Variants in KL observed in about 807,000 individuals in gnomAD.
KL encodes alpha-klotho.
KL carries 62 observed loss-of-function variants against 84.2 expected under a neutral mutation model. The observed-to-expected ratio is 0.74, with a 90% CI of 0.60 to 0.91. The LOEUF (loss-of-function observed/expected upper bound fraction) is 0.91, where lower values mean the gene tolerates loss of function less well. Ranked by LOEUF, KL falls within the 40% of genes least tolerant of loss-of-function variation. The pLI is 0.00. For synonymous variants in KL, 528 were observed against 528.0 expected (o/e 1.00, Z 0.00); for missense variants, 1,261 against 1,305.7 (o/e 0.97, Z 0.53).
At chr13:33,028,054 A>G (rs768316483) in intron 1 of KL, among the ~76,000 whole-genome samples, 15 of 152,368 alleles carry the variant, frequency 9.8e-5, no homozygotes, top group South Asian at 2.1e-4. Context: ...CAACCCAGGC[A>G]TAGGCTGATG....
At chr13:33,029,145 A>G (rs1471338311) in intron 1 of KL, among the ~76,000 whole-genome samples, 1 of 152,272 alleles carries the variant, frequency 6.6e-6, no homozygotes, top group African/African-American at 2.4e-5. Context: ...CACTTTAAAT[A>G]TTAATTTTGC....
chr13:33,016,603 G>T lies in KL; in HGVS notation c.163G>T (p.Gly55Cys). 6.6e-7 allele frequency: 1 copy of T among 1,518,570 alleles called. No homozygotes were observed. Among genetic ancestry groups the T allele is most frequent in the Non-Finnish European group, 8.8e-7 (1 of 1,132,376 alleles). 94.1% of individuals were successfully genotyped at this position (1,518,570 alleles called of 1,614,324 possible). A position where few individuals can be genotyped will look rare whatever the true frequency, so the allele number is the denominator to read the frequency against. ...GCGGCCTCCTGCCCCCGAGGCCGCG[G>T]GCCTCTTCCAGGGCACCTTCCCCGA... is the stretch of plus-strand genomic sequence containing the variant. ...FSRPPAPEAA[G>C]LFQGTFPDGF... The change falls in exon 1 of 5, where the codon GGC becomes TGC. Residue 55 changes from glycine (G) to cysteine (C), a missense_variant. Gly to Cys is a radical substitution (Grantham distance 159). Coordinates refer to ENST00000380099, the MANE Select transcript of KL (RefSeq NM_004795.4).
At chr13:33,034,838 A>G (rs775856471) in intron 1 of KL, among the ~76,000 whole-genome samples, 2 of 152,206 alleles carry the variant, frequency 1.3e-5, no homozygotes, top group Non-Finnish European at 2.9e-5. Context: ...GTGAGTTCCA[A>G]ACTTTTTTGA....
At chr13:33,062,526 A>G (rs1872247503) in intron 4 of KL, among the ~76,000 whole-genome samples, 1 of 151,834 alleles carries the variant, frequency 6.6e-6, no homozygotes, top group African/African-American at 2.4e-5. Flanking sequence ...TACGAAAATT[A>G]TCCAGGTGTA....
At chr13:33,057,972 G>T (rs1440980829) in intron 3 of KL, among the ~76,000 whole-genome samples, 1 of 152,214 alleles carries the variant, frequency 6.6e-6, no homozygotes, top group Middle Eastern at 3.4e-3. Flanking sequence ...AGTGTTTGAG[G>T]CATGCATTTC....
chr13:33,021,911 G>A (rs913665268), intron 1 of KL, among the ~76,000 whole-genome samples: 5 of 152,132 alleles, frequency 3.3e-5, no homozygotes, highest in African/African-American at 2.4e-5. Flanking sequence ...TACATAACTA[G>A]AATAATCAAC....
At chr13:33,037,997 G>A (rs903841446) in intron 1 of KL, among the ~76,000 whole-genome samples, 2 of 152,186 alleles carry the variant, frequency 1.3e-5, no homozygotes, top group African/African-American at 4.8e-5. Flanking sequence ...TTGCTTTTCA[G>A]TAGTCATCAC....
At chr13:33,026,348 G>T (rs2138195518) in intron 1 of KL, among the ~76,000 whole-genome samples, 1 of 152,226 alleles carries the variant, frequency 6.6e-6, no homozygotes. Context: ...CACAGCAATA[G>T]GTAACTGACG....
intron 1 of KL, among the ~76,000 whole-genome samples, chr13:33,023,657 T>C (rs1870652151): frequency 6.6e-6 from 1 of 152,224 alleles, no homozygotes. Context: ...AAGATAAATA[T>C]TGATTGAACT....
chr13:33,045,739 A>G (rs554776436), intron 1 of KL, among the ~76,000 whole-genome samples: 57 of 152,276 alleles, frequency 3.7e-4, no homozygotes, highest in African/African-American at 1.4e-3. Context: ...TCGGCCTCCC[A>G]AAGTGCTGGG....
intron 2 of KL, 51 bp from the exon 3 acceptor site, chr13:33,054,996 C>G: frequency 6.2e-7 from 1 of 1,612,576 alleles, no homozygotes; most frequent in Non-Finnish European, 8.5e-7. Flanking sequence ...AACCATGATG[C>G]AAGTGCCCAG....
At chr13:33,030,946 G>C (rs1023974707) in intron 1 of KL, among the ~76,000 whole-genome samples, 3 of 151,990 alleles carry the variant, frequency 2.0e-5, no homozygotes, top group Non-Finnish European at 4.4e-5. Context: ...ATTTTTGAAA[G>C]GGAAAAAGAT....
intron 1 of KL, among the ~76,000 whole-genome samples, chr13:33,047,282 T>C (rs1871571104): frequency 6.6e-6 from 1 of 152,192 alleles, no homozygotes. Flanking sequence ...TTCTTTTACA[T>C]GATCACTTTA....
In KL at chr13:33,056,622, C is replaced by T. The variant is rs934542361; in HGVS notation, c.1599+1307C>T. Among the ~76,000 whole-genome samples, 8 of 135,834 alleles carry T rather than the reference C, an allele frequency of 5.9e-5. No individual in the cohort carries two copies. The East Asian group carries it at 8.7e-4, about 15-fold the overall frequency. The allele number at this position is 135,834 out of a possible 152,430, so 89.1% of individuals were successfully genotyped here. ...CATCCTGAATAACACGGTGAAACCC[C>T]GTCTCTACTAAAAATACAAAAAAAA... On this transcript the variant is annotated intron_variant, in intron 3 of 4. Transcript: ENST00000380099.
chr13:33,020,568 G>A (rs1870539150), intron 1 of KL, among the ~76,000 whole-genome samples: 1 of 151,974 alleles, frequency 6.6e-6, no homozygotes, highest in Non-Finnish European at 1.5e-5. Context: ...CCAAACCCCT[G>A]CTTCCCCTTC....
chr13:33,046,573 AT>A (rs1419360894), intron 1 of KL, among the ~76,000 whole-genome samples: 5 of 151,216 alleles, frequency 3.3e-5, no homozygotes, highest in African/African-American at 1.2e-4. Context: ...TGTTTTGTTG[AT>A]TTTTTTCAAA....
chr13:33,029,727 A>G (rs909007522), intron 1 of KL, among the ~76,000 whole-genome samples: 1 of 152,048 alleles, frequency 6.6e-6, no homozygotes, highest in Non-Finnish European at 1.5e-5. Flanking sequence ...TCCGCCTCCC[A>G]GGTTCACGCC....
At chr13:33,048,871 T>C (rs1871635880) in intron 1 of KL, among the ~76,000 whole-genome samples, 1 of 152,170 alleles carries the variant, frequency 6.6e-6, no homozygotes, top group African/African-American at 2.4e-5. Context: ...AAAGAGAAAA[T>C]GTCTATATGT....
chr13:33,048,607 C>T (rs529649215), intron 1 of KL, among the ~76,000 whole-genome samples: 5 of 150,720 alleles, frequency 3.3e-5, no homozygotes, highest in South Asian at 2.1e-4. Flanking sequence ...CTCTCCAGTA[C>T]GTTGACCTGC....
Sources: allele counts gnomAD v4.1 joint callset (sites outside exome capture counted in the v4.1 genomes callset), GRCh38; gene constraint gnomAD v4.1.1; transcripts MANE v1.5; gene names NCBI Gene and HGNC (gene_info 2026-07-23, HGNC 2026-07-21).